The following CLEC18A variants were observed in gnomAD, a reference collection of about 807,000 sequenced individuals.
The protein encoded by CLEC18A is C-type lectin domain family 18 member A, also known as mannose receptor-like 1.
Under a neutral mutation model 24.0 loss-of-function variants are expected in CLEC18A, and 5 were observed. The observed-to-expected ratio is 0.21, with a 90% CI of 0.11 to 0.44. CLEC18A has a LOEUF of 0.44. CLEC18A is among the 20% of genes least tolerant of loss of function. CLEC18A has a pLI of 0.99. For synonymous variants in CLEC18A, 29 were observed against 100.1 expected (o/e 0.29, Z 4.24); for missense variants, 83 against 233.4 (o/e 0.36, Z 4.20).
At chr16:69,945,368 C>T in the CLEC18A span, among the ~76,000 whole-genome samples, 6,499 of 151,994 alleles carry the variant, frequency 0.043, 181 homozygotes, top group East Asian at 0.1. Flanking sequence ...GTCCTTTTTC[C>T]GTATCTTATA....
chr16:69,943,637 G>A, the CLEC18A span, among the ~76,000 whole-genome samples: 1 of 151,810 alleles, frequency 6.6e-6, no homozygotes, highest in African/African-American at 2.4e-5. Flanking sequence ...TGGCGCCTTG[G>A]TGCAGATGGA....
chr16:69,943,987 G>A, the CLEC18A span, among the ~76,000 whole-genome samples: 1 of 133,670 alleles, frequency 7.5e-6, no homozygotes, highest in African/African-American at 2.5e-5. Flanking sequence ...ACTTCCGTAA[G>A]CCTTGAAGAG....
intron 3 of CLEC18A, among the ~76,000 whole-genome samples, chr16:69,955,150 GCCACTACAC>G (rs1458449322): frequency 1.3e-3 from 203 of 152,084 alleles, no homozygotes; most frequent in African/African-American, 4.6e-3. Flanking sequence ...ACAGGTGTGC[GCCACTACAC>G]CCAGCTCATT....
At chr16:69,953,102 A>C (rs2058977489) in intron 2 of CLEC18A, 1 of 151,836 alleles carries the variant, frequency 6.6e-6, no homozygotes, top group East Asian at 1.9e-4. Flanking sequence ...CCCTTTTGTC[A>C]AAGTCCTAGA....
At chr16:69,955,958 A>G (rs1339323757) in intron 3 of CLEC18A, among the ~76,000 whole-genome samples, 1 of 151,996 alleles carries the variant, frequency 6.6e-6, no homozygotes, top group East Asian at 1.9e-4. Context: ...TTTAAATATT[A>G]CACAAGGCTG....
the CLEC18A span, among the ~76,000 whole-genome samples, chr16:69,944,491 T>G: frequency 6.7e-5 from 10 of 149,100 alleles, no homozygotes; most frequent in South Asian, 2.2e-3. Context: ...ATTGCACCTA[T>G]GAATAGCCAC....
At chr16:69,945,425 A>G in the CLEC18A span, among the ~76,000 whole-genome samples, 1 of 152,274 alleles carries the variant, frequency 6.6e-6, no homozygotes, top group Non-Finnish European at 1.5e-5. Context: ...ATCAGGTAGT[A>G]TACATTCTCC....
upstream of CLEC18A, among the ~76,000 whole-genome samples, chr16:69,946,067 T>TGGG: frequency 8.7e-6 from 1 of 115,188 alleles, no homozygotes; most frequent in Non-Finnish European, 1.7e-5. Flanking sequence ...CACTCCAGCC[T>TGGG]CAGTGACAGA....
At chr16:69,950,480 GC>G (rs1430508331), upstream of CLEC18A, among the ~76,000 whole-genome samples, 1 of 109,074 alleles carries the variant, frequency 9.2e-6, no homozygotes, top group Non-Finnish European at 2.2e-5. Context: ...GCCAGCCACG[GC>G]CGGGCCACGG....
chr16:69,955,902 G>A (rs191717169), intron 3 of CLEC18A, among the ~76,000 whole-genome samples: 1 of 152,064 alleles, frequency 6.6e-6, no homozygotes, highest in African/African-American at 2.4e-5. Context: ...CAAAATCCCA[G>A]GAAATATTTA....
intron 2 of CLEC18A, chr16:69,952,793 G>C (rs2058972163): frequency 2.0e-5 from 3 of 151,264 alleles, no homozygotes; most frequent in Non-Finnish European, 3.0e-5. Context: ...AGGGCAGGGT[G>C]GTGGGGGCGG....
intron 3 of CLEC18A, among the ~76,000 whole-genome samples, chr16:69,955,247 C>G (rs1439834652): frequency 6.6e-6 from 1 of 151,950 alleles, no homozygotes; most frequent in Non-Finnish European, 1.5e-5. Flanking sequence ...AAATGATCTG[C>G]CTGCCTCAGC....
chr16:69,944,783 C>T, the CLEC18A span, among the ~76,000 whole-genome samples: 2 of 116,526 alleles, frequency 1.7e-5, 1 homozygote, highest in Admixed American at 1.7e-4. Flanking sequence ...TTGCAGTGAG[C>T]TGAGATGGCG....
At chr16:69,948,374 G>T (rs1597203494), upstream of CLEC18A, among the ~76,000 whole-genome samples, 1 of 126,630 alleles carries the variant, frequency 7.9e-6, no homozygotes, top group African/African-American at 3.2e-5. Flanking sequence ...AGAGTTAAAT[G>T]TTTTTTTTGT....
In CLEC18A at chr16:69,954,334, G is replaced by T. The variant is rs771663678; in HGVS notation, c.217G>T (p.Asp73Tyr). The T allele has an allele frequency of 6.3e-6, 10 of 1,579,356 alleles. No individual in the cohort carries two copies. The African/African-American group carries it at 8.0e-5, about 13-fold the overall frequency. The part of the protein sequence containing the change: ...QPPAADMRRL[D>Y]WSDSLAQLAQ... The stretch of plus-strand genomic sequence containing the variant: ...AGATGTCTGTTTGTGCTGCCCCCAG[G>T]ACTGGAGTGACAGCCTGGCCCAGCT... The change falls in exon 3 of 12, where the codon GAC becomes TAC. Residue 73 changes from aspartate (D) to tyrosine (Y), a missense_variant and splice_region_variant. Coordinates refer to ENST00000288040, the MANE Select transcript of CLEC18A (RefSeq NM_001370523.4).
intron 11 of CLEC18A, 67 bp from the exon 12 acceptor site, chr16:69,963,507 A>G (rs568114454): frequency 6.2e-7 from 1 of 1,609,632 alleles, no homozygotes; most frequent in East Asian, 2.2e-5. Context: ...GACCGAGTGC[A>G]GCAGGGCTGC....
chr16:69,944,525 G>C, the CLEC18A span, among the ~76,000 whole-genome samples: 1 of 151,928 alleles, frequency 6.6e-6, no homozygotes, highest in South Asian at 2.1e-4. Flanking sequence ...GGGCAACAGA[G>C]TGAGACCCCT....
chr16:69,954,569 C>T lies in CLEC18A; in HGVS notation c.452C>T (p.Thr151Met), dbSNP rs75776403. The T allele has an allele frequency of 0.25, 394,794 of 1,560,756 alleles. 50,644 individuals are homozygous for T. Among genetic ancestry groups the T allele is most frequent in the East Asian group, 0.43 (19,264 of 44,556 alleles). ...CGCAACGCCACCTGCACCCACTACA[C>T]GCAGGTGAGTGTGCTGCAGGTGAGG... is the stretch of plus-strand genomic sequence containing the variant. ...CARNATCTHY[T>M]QLVWATSSQL... Residue 151 changes from threonine (T) to methionine (M), a missense_variant, in exon 3 of 12, where the codon ACG becomes ATG. Physicochemically the swap from Thr to Met is moderately conservative, Grantham distance 81. This residue lies in a region of CLEC18A where 71 missense variants were observed against 107.4 expected (regional missense o/e 0.66). Transcript: ENST00000288040.
chr16:69,956,656 C>G lies in CLEC18A; in HGVS notation c.456+2083C>G. Among the ~76,000 whole-genome samples the G allele has an allele frequency of 2.5e-5, 2 of 79,968 alleles. 1 individual carries two copies. The highest frequency in any genetic ancestry group is 4.5e-5 in the Non-Finnish European group (2 of 44,152). The allele number at this position is 79,968 out of a possible 152,430, so 52.5% of individuals were successfully genotyped here. ...TACAGGTGTGAGCCACTGTGCCCAG[C>G]CTTGGCTCCTTAAGTTTTGTCAGAC... On this transcript the variant is annotated intron_variant, in intron 3 of 11. Coordinates refer to ENST00000288040, the MANE Select transcript of CLEC18A (RefSeq NM_001370523.4).
Sources: gnomAD v4.1 joint callset for allele counts (sites outside exome capture counted in the v4.1 genomes callset) on GRCh38, gnomAD v4.1.1 for gene constraint, gnomAD v4.1.1 regional missense constraint, MANE v1.5 for transcripts, NCBI Gene and HGNC (gene_info 2026-07-23, HGNC 2026-07-21) for gene names.